Variants in TBXAS1 observed in about 807,000 individuals in gnomAD.
The protein encoded by TBXAS1 is thromboxane-A synthase.
Under a neutral mutation model 60.7 loss-of-function variants are expected in TBXAS1, and 48 were observed. The observed-to-expected ratio is 0.79, with a 90% CI of 0.63 to 1.01. The LOEUF (loss-of-function observed/expected upper bound fraction) is 1.01. TBXAS1 is among the 50% of genes least tolerant of loss of function. The probability of loss-of-function intolerance (pLI) is 0.00; values close to 1 mark genes in which losing one functional copy is unlikely to be tolerated. For synonymous variants in TBXAS1, 287 were observed against 269.7 expected (o/e 1.06, Z -0.63); for missense variants, 685 against 686.3 (o/e 1.00, Z 0.02).
rs1248707719 is a variant in TBXAS1 at position 139,914,029 on chromosome 7, CTT to C, written c.333+2724_333+2725del. 4.5e-3 allele frequency: 619 copies of C among 137,548 alleles called. 5 individuals carry two copies. Among genetic ancestry groups the C allele is most frequent in the African/African-American group, 0.015 (565 of 37,134 alleles). 8.5% of individuals were successfully genotyped at this position (137,548 alleles called of 1,614,324 possible). A position where few individuals can be genotyped will look rare whatever the true frequency, so the allele number is the denominator to read the frequency against. On this transcript the variant is annotated intron_variant, in intron 4 of 12. Coordinates refer to ENST00000448866, the MANE Select transcript of TBXAS1 (RefSeq NM_001061.7). Reference sequence around the variant, plus strand: ...TTATGACGTGAGCTTGAGCACATATCTTTTTTTTTTTTTTTTTGGAGACACGG... The same window carrying C: ...TTATGACGTGAGCTTGAGCACATATCTTTTTTTTTTTTTTTGGAGACACGG...
chr7:139,986,753 ATATGTGTGTGTGTG>A (rs1569522752), intron 9 of TBXAS1, among the ~76,000 whole-genome samples: 1 of 52,264 alleles, frequency 1.9e-5, no homozygotes, highest in African/African-American at 6.3e-5. Flanking sequence ...ACATATATAT[ATATGTGTGTGTGTG>A]TGTGTGTGTG....
At chr7:139,874,473 G>A (rs756981175) in intron 2 of TBXAS1, among the ~76,000 whole-genome samples, 10 of 152,144 alleles carry the variant, frequency 6.6e-5, no homozygotes, top group Non-Finnish European at 1.5e-4. Context: ...GTTCTTTCTA[G>A]AACATAGTAA....
chr7:139,856,020 G>A (rs1800558477), intron 1 of TBXAS1, among the ~76,000 whole-genome samples: 1 of 152,196 alleles, frequency 6.6e-6, no homozygotes, highest in South Asian at 2.1e-4. Flanking sequence ...CCTTTGTTGT[G>A]CTCGACAAAG....
At chr7:139,983,463 G>C (rs1812107774) in intron 9 of TBXAS1, among the ~76,000 whole-genome samples, 1 of 152,214 alleles carries the variant, frequency 6.6e-6, no homozygotes, top group South Asian at 2.1e-4. Context: ...GTTTTTCTCA[G>C]GGTCACACAG....
intron 4 of TBXAS1, among the ~76,000 whole-genome samples, chr7:139,923,052 C>A (rs557873004): frequency 6.6e-6 from 1 of 152,128 alleles, no homozygotes; most frequent in African/African-American, 2.4e-5. Flanking sequence ...TGGCCAGGCA[C>A]GGTGGCTAAC....
intron 1 of TBXAS1, among the ~76,000 whole-genome samples, chr7:139,829,706 C>T (rs530069042): frequency 8.5e-5 from 13 of 152,210 alleles, no homozygotes; most frequent in Non-Finnish European, 1.5e-4. Context: ...TGACTGAGAA[C>T]GCTACACATA....
intron 4 of TBXAS1, among the ~76,000 whole-genome samples, chr7:139,924,114 A>T (rs1169858519): frequency 2.6e-5 from 4 of 152,154 alleles, no homozygotes; most frequent in Non-Finnish European, 4.4e-5. Flanking sequence ...GGGTGTGCAG[A>T]TATCTCTTTG....
At chr7:139,948,267 T>C (rs888605988) in intron 5 of TBXAS1, among the ~76,000 whole-genome samples, 3 of 152,158 alleles carry the variant, frequency 2.0e-5, no homozygotes, top group African/African-American at 7.2e-5. Context: ...TCTTGCTCTG[T>C]GCCCACAAGA....
intron 4 of TBXAS1, among the ~76,000 whole-genome samples, chr7:139,813,050 C>T (rs958655459): frequency 1.4e-5 from 2 of 146,560 alleles, no homozygotes; most frequent in Non-Finnish European, 3.0e-5. Flanking sequence ...GAGCAAAACT[C>T]GGTCTCAAAT....
chr7:139,954,871 T>A (rs1453178459), intron 6 of TBXAS1, among the ~76,000 whole-genome samples: 1 of 152,246 alleles, frequency 6.6e-6, no homozygotes, highest in Non-Finnish European at 1.5e-5. Context: ...AAAGTTTGTC[T>A]TGTGTTTATT....
chr7:139,953,332 TG>T, intron 5 of TBXAS1, 35 bp from the exon 6 acceptor site: 1 of 1,565,364 alleles, frequency 6.4e-7, no homozygotes, highest in African/African-American at 1.4e-5. Context: ...ACTCCCGGCA[TG>T]GTGCCCTAAT....
intron 9 of TBXAS1, among the ~76,000 whole-genome samples, chr7:139,991,562 A>G (rs918795057): frequency 2.0e-5 from 3 of 152,134 alleles, no homozygotes; most frequent in African/African-American, 7.2e-5. Context: ...TGCTAAGGGG[A>G]CCCTTGCAGA....
At position 139,919,104 on chromosome 7, in the gene TBXAS1, T is replaced by C. The variant is rs1277889085; in HGVS notation, c.333+7783T>C. Among the ~76,000 whole-genome samples, 11 of 152,168 alleles carry C rather than the reference T, an allele frequency of 7.2e-5. No homozygotes were observed. In the East Asian group the frequency reaches 1.9e-3, roughly 27 times the overall value. ...GATAGCAATAGATATAAATTGACAA[T>C]GGCCTCAAGTATAGAATTTGGGGTT... On this transcript the variant is annotated intron_variant, in intron 4 of 12. Coordinates refer to ENST00000448866, the MANE Select transcript of TBXAS1 (RefSeq NM_001061.7).
In TBXAS1 at chr7:139,946,983, C is replaced by T. The variant is rs566777803; in HGVS notation, c.451-6385C>T. On this transcript the variant is annotated intron_variant, in intron 5 of 12. Coordinates refer to ENST00000448866, the MANE Select transcript of TBXAS1 (RefSeq NM_001061.7). ...AACTCAGTGATGAGATTCTGTGAGTCACCCAAAAGGAGAGGAGAAGAAGAC... is the reference window on the plus strand; with the variant it reads ...AACTCAGTGATGAGATTCTGTGAGTTACCCAAAAGGAGAGGAGAAGAAGAC... Among the ~76,000 whole-genome samples the T allele has an allele frequency of 4.6e-5, 7 of 152,174 alleles. No individual in the cohort carries two copies. In the South Asian group the frequency reaches 6.2e-4, roughly 14 times the overall value.
At chr7:139,950,406 A>G (rs1030512128) in intron 5 of TBXAS1, among the ~76,000 whole-genome samples, 5 of 152,128 alleles carry the variant, frequency 3.3e-5, no homozygotes, top group African/African-American at 1.2e-4. Context: ...CAGTGCTCTA[A>G]GCCCTGTGGC....
intron 1 of TBXAS1, among the ~76,000 whole-genome samples, chr7:139,846,978 C>T (rs920475634): frequency 1.2e-4 from 18 of 152,028 alleles, no homozygotes; most frequent in Non-Finnish European, 2.1e-4. Flanking sequence ...CTTTTCCATA[C>T]GGTCAAGCGG....
In TBXAS1 at chr7:139,914,674, C is replaced by T. The variant is rs967972712; in HGVS notation, c.333+3353C>T. Among the ~76,000 whole-genome samples the T allele has an allele frequency of 4.6e-5, 7 of 152,262 alleles. No homozygotes were observed. The South Asian group carries it at 8.3e-4, about 18-fold the overall frequency. On this transcript the variant is annotated intron_variant, in intron 4 of 12. Coordinates refer to ENST00000448866, the MANE Select transcript of TBXAS1 (RefSeq NM_001061.7). ...TCAGATACTGCCTCCTCCAGGAAGC[C>T]TTCCCTGCCTCCATCCACATGCACT... is the stretch of plus-strand genomic sequence containing the variant.
At chr7:139,832,563 C>A (rs1490311750) in intron 1 of TBXAS1, among the ~76,000 whole-genome samples, 1 of 152,138 alleles carries the variant, frequency 6.6e-6, no homozygotes, top group Admixed American at 6.5e-5. Context: ...AAAAGTTCCC[C>A]AGTCTAGCTA....
intron 3 of TBXAS1, among the ~76,000 whole-genome samples, chr7:139,882,227 G>A (rs1802753892): frequency 6.6e-6 from 1 of 152,210 alleles, no homozygotes; most frequent in Non-Finnish European, 1.5e-5. Context: ...GAAGGGCTCT[G>A]AAAGACTCAC....
Sources: gnomAD v4.1 joint callset for allele counts (sites outside exome capture counted in the v4.1 genomes callset) on GRCh38, gnomAD v4.1.1 for gene constraint, MANE v1.5 for transcripts, NCBI Gene and HGNC (gene_info 2026-07-23, HGNC 2026-07-21) for gene names.